The following VRK3 variants were observed in gnomAD, a reference collection of about 807,000 sequenced individuals.
The protein encoded by VRK3 is serine/threonine-protein kinase VRK3.
A neutral mutation model predicts 60.4 loss-of-function variants in VRK3; 50 were observed. The observed-to-expected ratio is 0.83, with a 90% CI of 0.66 to 1.05. The LOEUF is 1.05. Among genes scored for constraint, VRK3 ranks in the 50% least tolerant of loss-of-function variants. The pLI is 0.00. For missense variants in VRK3, 549 were observed against 585.3 expected, an observed-to-expected ratio of 0.94 and a Z score of 0.64; for synonymous variants, 246 against 227.8, an observed-to-expected ratio of 1.08 and a Z score of -0.72.
intron 10 of VRK3, among the ~76,000 whole-genome samples, chr19:49,992,239 C>T (rs1169490482): frequency 2.0e-5 from 3 of 152,206 alleles, no homozygotes; most frequent in African/African-American, 7.2e-5. Context: ...GAAACCCCAT[C>T]TCTACTAAAA....
chr19:50,014,395 T>C (rs2077041159), intron 3 of VRK3, among the ~76,000 whole-genome samples: 1 of 152,026 alleles, frequency 6.6e-6, no homozygotes, highest in Admixed American at 6.6e-5. Flanking sequence ...CTGTCTCTAC[T>C]AAAAATACAA....
At chr19:50,007,015 C>A (rs573108527) in intron 5 of VRK3, among the ~76,000 whole-genome samples, 1 of 152,092 alleles carries the variant, frequency 6.6e-6, no homozygotes, top group African/African-American at 2.4e-5. Flanking sequence ...CCCAGCCCCA[C>A]CCCCAAGCAC....
At chr19:49,997,696 C>CA in intron 6 of VRK3, 126 bp from the exon 7 acceptor site, 1 of 968,250 alleles carries the variant, frequency 1.0e-6, no homozygotes, top group Non-Finnish European at 1.5e-6. Flanking sequence ...ACATCGGAGC[C>CA]AAATTCCTCA....
At chr19:49,998,946 C>CAAAA (rs1774705802) in intron 6 of VRK3, 1 of 45,634 alleles carries the variant, frequency 2.2e-5, no homozygotes, top group Admixed American at 2.7e-4. Context: ...CCATCTCTAC[C>CAAAA]AGAAAAAAAA....
intron 2 of VRK3, among the ~76,000 whole-genome samples, chr19:50,017,462 T>C (rs2077096505): frequency 1.3e-5 from 2 of 149,044 alleles, no homozygotes; most frequent in Non-Finnish European, 3.0e-5. Flanking sequence ...TAATCCCAGC[T>C]ACTCGGGAGG....
chr19:50,013,608 T>C (rs921639033), intron 3 of VRK3, among the ~76,000 whole-genome samples: 2 of 152,230 alleles, frequency 1.3e-5, no homozygotes, highest in Non-Finnish European at 2.9e-5. Flanking sequence ...TTTACCAATA[T>C]AGTATCTGGG....
chr19:49,992,971 C>A lies in VRK3; in HGVS notation c.871-19G>T. The A allele has an allele frequency of 1.2e-6, 2 of 1,605,896 alleles. No individual in the cohort carries two copies. The highest frequency in any genetic ancestry group is 2.2e-5 in the South Asian group (2 of 90,992). On this transcript the variant is annotated intron_variant, in intron 9 of 14. Coordinates refer to ENST00000316763, the MANE Select transcript of VRK3 (RefSeq NM_016440.4). ...CATCCAGCTGGGGGAAGAAGCAAGT[C>A]AGTGTCTGCATGAGCAGTACGACTA...
At chr19:50,005,817 G>A (rs1424108682) in intron 5 of VRK3, among the ~76,000 whole-genome samples, 5 of 149,810 alleles carry the variant, frequency 3.3e-5, no homozygotes, top group African/African-American at 1.3e-4. Context: ...CCCAGAAGGG[G>A]CAAATCCACG....
chr19:49,992,619 G>A (rs1331298349), intron 10 of VRK3, among the ~76,000 whole-genome samples: 1 of 152,148 alleles, frequency 6.6e-6, no homozygotes, highest in Non-Finnish European at 1.5e-5. Flanking sequence ...TACTAAGGAG[G>A]TTGAATATCT....
rs148458867 is a variant in VRK3 at position 49,976,525 on chromosome 19, C to T, written c.*271G>A. 2.6e-5 allele frequency: 4 copies of T among 152,772 alleles called. No homozygotes were observed. The highest frequency in any genetic ancestry group is 6.5e-5 in the Admixed American group (1 of 15,300). The allele number at this position is 152,772 out of a possible 1,614,324, so 9.5% of individuals were successfully genotyped here. A position where few individuals can be genotyped will look rare whatever the true frequency, so the allele number is the denominator to read the frequency against. ...GGTGTCAAGGGTAGGAGGGGTCCCC[C>T]CTGTGGGCCGGCCCAACCCCATCCA... On this transcript the variant is annotated 3_prime_UTR_variant, in exon 15 of 15. Coordinates refer to ENST00000316763, the MANE Select transcript of VRK3 (RefSeq NM_016440.4).
intron 3 of VRK3, among the ~76,000 whole-genome samples, chr19:50,015,305 G>A (rs563809666): frequency 6.6e-6 from 1 of 151,024 alleles, no homozygotes; most frequent in African/African-American, 2.5e-5. Context: ...GGACTACTGT[G>A]GATTTCAGAT....
intron 12 of VRK3, among the ~76,000 whole-genome samples, chr19:49,983,911 T>C (rs1047958903): frequency 6.6e-6 from 1 of 151,602 alleles, no homozygotes; most frequent in African/African-American, 2.4e-5. Flanking sequence ...TGCCAGCTAC[T>C]CTCCAGAGAG....
At chr19:50,006,445 G>A (rs780814853) in intron 5 of VRK3, among the ~76,000 whole-genome samples, 9 of 150,856 alleles carry the variant, frequency 6.0e-5, no homozygotes, top group African/African-American at 7.3e-5. Context: ...GTGCAACCTC[G>A]GCTCACTGCA....
chr19:50,019,833 T>C (rs547913526), intron 2 of VRK3, among the ~76,000 whole-genome samples: 1 of 151,724 alleles, frequency 6.6e-6, no homozygotes, highest in African/African-American at 2.4e-5. Flanking sequence ...CCACCATGCC[T>C]GGTCTAGACT....
In VRK3 at chr19:50,007,462, C is replaced by T. The variant is rs1284213507; in HGVS notation, c.547+107G>A. The T allele has an allele frequency of 3.3e-6, 5 of 1,534,550 alleles. No homozygotes were observed. The African/African-American group carries it at 6.8e-5, about 21-fold the overall frequency. Reference sequence around the variant, plus strand: ...AAGAGAAAGTTGCCTAGCGACAGGTCTGCAGCTAGGGATGTGGCTTCCATT... The same window carrying T: ...AAGAGAAAGTTGCCTAGCGACAGGTTTGCAGCTAGGGATGTGGCTTCCATT... On this transcript the variant is annotated intron_variant, in intron 5 of 14. Coordinates refer to ENST00000316763, the MANE Select transcript of VRK3 (RefSeq NM_016440.4).
intron 12 of VRK3, among the ~76,000 whole-genome samples, chr19:49,982,907 C>T (rs2076447966): frequency 1.3e-5 from 2 of 152,156 alleles, no homozygotes; most frequent in African/African-American, 4.8e-5. Flanking sequence ...GCTCCCACCA[C>T]CTGCCCAGTC....
In VRK3 at chr19:49,992,926, C is replaced by T. The variant is rs56089748; in HGVS notation, c.897G>A (p.Glu299=). 4.7e-3 allele frequency: 7,657 copies of T among 1,613,338 alleles called. 68 individuals carry two copies. The highest frequency in any genetic ancestry group is 0.037 in the Middle Eastern group (222 of 6,052). ...TCACATTTCCATGAACATACTCATTCTCATGGAGGAACTCCAGGGCATCCA... is the reference window on the plus strand; with the variant it reads ...TCACATTTCCATGAACATACTCATTTTCATGGAGGAACTCCAGGGCATCCA... The part of the protein sequence containing the change: ...RLLDALEFLH[E]NEYVHGNVTA... The change falls in exon 10 of 15, where the codon GAG becomes GAA. Residue 299 remains glutamate (E), a synonymous_variant. Transcript: ENST00000316763.
chr19:49,993,048 GGGGTTGTCC>G, intron 9 of VRK3, 96 bp from the exon 10 acceptor site: 3 of 1,131,976 alleles, frequency 2.7e-6, no homozygotes, highest in Non-Finnish European at 3.9e-6. Flanking sequence ...ATTAAGGCCT[GGGGTTGTCC>G]GACACTGTGA....
At chr19:49,979,928 T>C (rs1382188346) in intron 13 of VRK3, among the ~76,000 whole-genome samples, 2 of 151,276 alleles carry the variant, frequency 1.3e-5, no homozygotes. Context: ...CGGGTGCCTG[T>C]AGTCCCAGCT....
Sources: gnomAD v4.1 joint callset for allele counts (sites outside exome capture counted in the v4.1 genomes callset) on GRCh38, gnomAD v4.1.1 for gene constraint, MANE v1.5 for transcripts, NCBI Gene and HGNC (gene_info 2026-07-23, HGNC 2026-07-21) for gene names.